KCNIP1: variants seen among roughly 807,000 people sequenced by gnomAD.
KCNIP1 encodes A-type potassium channel modulatory protein KCNIP1.
A neutral mutation model predicts 33.0 loss-of-function variants in KCNIP1; 18 were observed. The ratio of observed to expected loss-of-function variants is 0.55; its 90% CI spans 0.38 to 0.81. The LOEUF is 0.81. Among genes scored for constraint, KCNIP1 ranks in the 30% least tolerant of loss-of-function variants. The pLI, the probability that KCNIP1 is intolerant of heterozygous loss-of-function variation, is 0.00. For synonymous variants in KCNIP1, 93 were observed against 98.3 expected (o/e 0.95, Z 0.32); for missense variants, 238 against 271.6 (o/e 0.88, Z 0.87).
chr5:170,718,549 G>A (rs1199455852), intron 1 of KCNIP1, among the ~76,000 whole-genome samples: 1 of 152,166 alleles, frequency 6.6e-6, no homozygotes, highest in Non-Finnish European at 1.5e-5. Context: ...TCTCTCCAAC[G>A]CCGAAGCCCC....
At chr5:170,671,912 A>G (rs1201396158) in intron 1 of KCNIP1, among the ~76,000 whole-genome samples, 13 of 152,222 alleles carry the variant, frequency 8.5e-5, no homozygotes, top group Admixed American at 8.5e-4. Flanking sequence ...GCAGTTCACA[A>G]TGTAACAAAA....
chr5:170,724,694 A>G (rs1195414630), intron 5 of KCNIP1, among the ~76,000 whole-genome samples: 4 of 152,210 alleles, frequency 2.6e-5, no homozygotes, highest in Non-Finnish European at 5.9e-5. Flanking sequence ...ACATCCAACA[A>G]GCAACCAGAA....
rs1255039047 is a variant in KCNIP1 at position 170,684,213 on chromosome 5, A to G, written c.62-34545A>G. 3.3e-5 allele frequency among the ~76,000 whole-genome samples: 5 copies of G among 152,310 alleles called. No individual in the cohort carries two copies. In the East Asian group the frequency reaches 9.6e-4, roughly 29 times the overall value. ...CTCTTTCCTCATTTATAAAATAAAGAAATGAGAATGATAGTTGTATTAATT... is the reference window on the plus strand; with the variant it reads ...CTCTTTCCTCATTTATAAAATAAAGGAATGAGAATGATAGTTGTATTAATT... On this transcript the variant is annotated intron_variant, in intron 1 of 7. Transcript: ENST00000328939.
At chr5:170,547,516 T>C (rs1025562504) in intron 1 of KCNIP1, among the ~76,000 whole-genome samples, 1 of 152,192 alleles carries the variant, frequency 6.6e-6, no homozygotes, top group African/African-American at 2.4e-5. Context: ...TTTTTCCTGA[T>C]CCTCTCCCTC....
chr5:170,632,191 T>A (rs1760074974), intron 1 of KCNIP1, among the ~76,000 whole-genome samples: 1 of 152,020 alleles, frequency 6.6e-6, no homozygotes, highest in Admixed American at 6.6e-5. Context: ...TGCTTCTGCC[T>A]CCAAGAGGCG....
chr5:170,631,520 G>A (rs771374262), intron 1 of KCNIP1, among the ~76,000 whole-genome samples: 3 of 152,146 alleles, frequency 2.0e-5, no homozygotes, highest in East Asian at 1.9e-4. Flanking sequence ...CAAAAGAAAC[G>A]CAGGGGCTTT....
At chr5:170,542,902 G>A (rs745464277) in intron 1 of KCNIP1, among the ~76,000 whole-genome samples, 8 of 152,166 alleles carry the variant, frequency 5.3e-5, no homozygotes, top group African/African-American at 1.7e-4. Flanking sequence ...GCTGATTGGG[G>A]GGACTACTGT....
chr5:170,629,242 G>A (rs112836489), intron 1 of KCNIP1, among the ~76,000 whole-genome samples: 2,240 of 152,294 alleles, frequency 0.015, 61 homozygotes, highest in African/African-American at 0.049. Flanking sequence ...GTGCAGGTAG[G>A]GCCTGAGGAT....
At chr5:170,359,178 G>A (rs1763434758) in intron 1 of KCNIP1, among the ~76,000 whole-genome samples, 2 of 152,152 alleles carry the variant, frequency 1.3e-5, no homozygotes, top group Admixed American at 1.3e-4. Flanking sequence ...CAAAGCACCT[G>A]CCAGACACTG....
In KCNIP1 at chr5:170,535,687, G is replaced by T. The variant is rs1201820822; in HGVS notation, c.61+31054G>T. The stretch of plus-strand genomic sequence containing the variant: ...CCCCTTTGCTTCTCACACTTGTAGA[G>T]GTCTTTCCCTAAGCAAACACCTGCT... On this transcript the variant is annotated intron_variant, in intron 1 of 7. Transcript: ENST00000328939. Among the ~76,000 whole-genome samples, 7 of 152,256 alleles carry T rather than the reference G, an allele frequency of 4.6e-5. No homozygotes were observed. In the East Asian group the frequency reaches 1.4e-3, roughly 29 times the overall value.
At chr5:170,635,636 C>G (rs1033617908) in intron 1 of KCNIP1, among the ~76,000 whole-genome samples, 1 of 152,254 alleles carries the variant, frequency 6.6e-6, no homozygotes, top group Non-Finnish European at 1.5e-5. Context: ...CTATCAGCCT[C>G]CCTGCACTGT....
intron 1 of KCNIP1, among the ~76,000 whole-genome samples, chr5:170,583,967 G>A (rs940394526): frequency 6.6e-6 from 1 of 152,186 alleles, no homozygotes; most frequent in Non-Finnish European, 1.5e-5. Flanking sequence ...TGAGGATATG[G>A]ATGCTCAGAA....
chr5:170,406,098 A>C (rs1755032623), intron 1 of KCNIP1, among the ~76,000 whole-genome samples: 1 of 152,214 alleles, frequency 6.6e-6, no homozygotes, highest in South Asian at 2.1e-4. Flanking sequence ...GCTAACTGAT[A>C]ATTGCATTTA....
At chr5:170,449,535 T>A (rs1324073645) in intron 1 of KCNIP1, among the ~76,000 whole-genome samples, 1 of 152,248 alleles carries the variant, frequency 6.6e-6, no homozygotes, top group African/African-American at 2.4e-5. Context: ...ACTTAGCAGC[T>A]GGATGATGTG....
chr5:170,454,638 C>T (rs1366693266), intron 1 of KCNIP1, among the ~76,000 whole-genome samples: 3 of 152,144 alleles, frequency 2.0e-5, no homozygotes, highest in Non-Finnish European at 4.4e-5. Context: ...CCTGGTAAAA[C>T]TATGAAATGT....
intron 1 of KCNIP1, among the ~76,000 whole-genome samples, chr5:170,579,986 C>A (rs1170870494): frequency 6.6e-6 from 1 of 150,826 alleles, no homozygotes; most frequent in Non-Finnish European, 1.5e-5. Context: ...AAAAAAAAAA[C>A]AAGTTTCTTG....
intron 1 of KCNIP1, among the ~76,000 whole-genome samples, chr5:170,371,564 G>A (rs1445631042): frequency 1.3e-5 from 2 of 152,116 alleles, no homozygotes; most frequent in East Asian, 3.9e-4. Context: ...CTTCTGCCTT[G>A]GGGCAAGTTA....
At chr5:170,553,812 T>C (rs1191220378) in intron 1 of KCNIP1, among the ~76,000 whole-genome samples, 1 of 152,232 alleles carries the variant, frequency 6.6e-6, no homozygotes, top group East Asian at 1.9e-4. Flanking sequence ...CAGTGCCTGG[T>C]ACAGAGGAAG....
chr5:170,463,293 G>A (rs1185960614), intron 1 of KCNIP1, among the ~76,000 whole-genome samples: 2 of 152,126 alleles, frequency 1.3e-5, no homozygotes, highest in Non-Finnish European at 2.9e-5. Context: ...CTTCTAAAAT[G>A]TAGAAGAAGA....
Sources: gnomAD v4.1 joint callset for allele counts (sites outside exome capture counted in the v4.1 genomes callset) on GRCh38, gnomAD v4.1.1 for gene constraint, MANE v1.5 for transcripts, NCBI Gene and HGNC (gene_info 2026-07-23, HGNC 2026-07-21) for gene names.